WDR12: variants seen among roughly 807,000 people sequenced by gnomAD.
The protein encoded by WDR12 is ribosome biogenesis protein WDR12.
A neutral mutation model predicts 64.3 loss-of-function variants in WDR12; 42 were observed. The ratio of observed to expected loss-of-function variants is 0.65; its 90% CI spans 0.51 to 0.84. The LOEUF is 0.84. WDR12 is among the 40% of genes least tolerant of loss of function. WDR12 has a pLI of 0.00. For synonymous variants in WDR12, 158 were observed against 173.3 expected, an observed-to-expected ratio of 0.91 and a Z score of 0.70; for missense variants, 469 against 494.6, an observed-to-expected ratio of 0.95 and a Z score of 0.49.
At chr2:202,910,669 A>G (rs917703879) in intron 1 of WDR12, among the ~76,000 whole-genome samples, 1 of 152,348 alleles carries the variant, frequency 6.6e-6, no homozygotes, top group East Asian at 1.9e-4. Flanking sequence ...TATTAAGGCA[A>G]TGTATGTAAG....
At chr2:202,884,138 G>T in intron 10 of WDR12, 60 bp downstream of exon 10, 3 of 1,531,026 alleles carry the variant, frequency 2.0e-6, no homozygotes, top group Non-Finnish European at 2.7e-6. Flanking sequence ...TACATCTCCA[G>T]AGAGATGAGA....
chr2:202,887,873 C>T (rs985736923), intron 8 of WDR12, among the ~76,000 whole-genome samples: 4 of 130,362 alleles, frequency 3.1e-5, no homozygotes, highest in Non-Finnish European at 4.7e-5. Flanking sequence ...CCGACCTGGG[C>T]GACAGAGCGA....
At position 202,901,556 on chromosome 2, in the gene WDR12, C is replaced by T. The variant is rs143827733; in HGVS notation, c.137-437G>A. 3.7e-3 allele frequency among the ~76,000 whole-genome samples: 566 copies of T among 152,268 alleles called. 5 individuals are homozygous for T. Among genetic ancestry groups the T allele is most frequent in the South Asian group, 3.1e-3 (15 of 4,830 alleles). On this transcript the variant is annotated intron_variant, in intron 2 of 12. Coordinates refer to ENST00000261015, the MANE Select transcript of WDR12 (RefSeq NM_018256.4). ...TTTGTCACAATATTTTAAAATTTAACAATCACTCCTTCTAACATCAAATAG... is the reference window on the plus strand; with the variant it reads ...TTTGTCACAATATTTTAAAATTTAATAATCACTCCTTCTAACATCAAATAG...
intron 8 of WDR12, among the ~76,000 whole-genome samples, chr2:202,887,001 T>C (rs80031551): frequency 6.6e-6 from 1 of 152,302 alleles, no homozygotes; most frequent in Non-Finnish European, 1.5e-5. Context: ...TGAGTAATAT[T>C]CTGCTGTATG....
At chr2:202,893,587 T>A (rs889020957) in intron 7 of WDR12, among the ~76,000 whole-genome samples, 2 of 152,182 alleles carry the variant, frequency 1.3e-5, no homozygotes, top group African/African-American at 4.8e-5. Flanking sequence ...CTTTTCTTGA[T>A]CCCCCTCAAG....
In WDR12 at chr2:202,887,857, C is replaced by T. The variant is rs533264550; in HGVS notation, c.742-3322G>A. 4.7e-4 allele frequency among the ~76,000 whole-genome samples: 68 copies of T among 143,958 alleles called. 1 individual carries two copies. In the South Asian group the frequency reaches 0.012, roughly 26 times the overall value. 94.4% of individuals were successfully genotyped at this position (143,958 alleles called of 152,430 possible). On this transcript the variant is annotated intron_variant, in intron 8 of 12. Coordinates refer to ENST00000261015, the MANE Select transcript of WDR12 (RefSeq NM_018256.4). Reference sequence around the variant, plus strand: ...GAGCCGAGATTGCGCCACTGCAGTCCGCAGTCCGACCTGGGCGACAGAGCG... The same window carrying T: ...GAGCCGAGATTGCGCCACTGCAGTCTGCAGTCCGACCTGGGCGACAGAGCG...
rs2105901283 is a variant in WDR12, at chr2:202,879,447, GT to G, written c.*1412del. The G allele has an allele frequency of 6.6e-6, 1 of 152,218 alleles. No individual in the cohort carries two copies. The highest frequency in any genetic ancestry group is 1.9e-4 in the East Asian group (1 of 5,176). The allele number at this position is 152,218 out of a possible 1,614,324, so 9.4% of individuals were successfully genotyped here. ...CTACTTGTCTTTATTTTGAGATAGA[GT>G]CTGGCTCTGCTGCCCAGGCTGGAGC... On this transcript the variant is annotated 3_prime_UTR_variant, in exon 13 of 13. Transcript: ENST00000261015.
chr2:202,877,308 T>G lies in WDR12; in HGVS notation c.*3552A>C, dbSNP rs1362683200. ...TGATCATCTTCTCATAGAAAAGCTA[T>G]GTTTTTCTACAAAGGCCCCACTATG... is the stretch of plus-strand genomic sequence containing the variant. On this transcript the variant is annotated 3_prime_UTR_variant, in exon 13 of 13. Transcript: ENST00000261015. 6.6e-6 allele frequency: 1 copy of G among 152,100 alleles called. No individual in the cohort carries two copies. The highest frequency in any genetic ancestry group is 1.9e-4 in the East Asian group (1 of 5,194). The allele number at this position is 152,100 out of a possible 1,614,324, so 9.4% of individuals were successfully genotyped here. A position where few individuals can be genotyped will look rare whatever the true frequency, so the allele number is the denominator to read the frequency against.
intron 1 of WDR12, among the ~76,000 whole-genome samples, chr2:202,909,458 T>C (rs1421642579): frequency 6.6e-6 from 1 of 152,192 alleles, no homozygotes; most frequent in Non-Finnish European, 1.5e-5. Context: ...TATAATTCCA[T>C]TTATTCAAAA....
At chr2:202,883,326 G>A in intron 11 of WDR12, 1 of 266,242 alleles carries the variant, frequency 3.8e-6, no homozygotes, top group South Asian at 5.7e-5. Context: ...ATTAGAGACA[G>A]AGTTTCACCA....
intron 8 of WDR12, among the ~76,000 whole-genome samples, chr2:202,890,770 CA>C (rs35649140): frequency 0.85 from 103,077 of 121,092 alleles, 43,815 homozygotes; most frequent in South Asian, 0.92. Context: ...GACTCCGTCT[CA>C]AAAAAAAAAA....
intron 12 of WDR12, 113 bp downstream of exon 12, chr2:202,882,598 G>A (rs530263161): frequency 5.1e-4 from 530 of 1,038,224 alleles, no homozygotes; most frequent in Non-Finnish European, 5.4e-4. Context: ...AAAGTGCTGC[G>A]ATTACAGGCG....
At chr2:202,902,846 C>G (rs1254825976) in intron 2 of WDR12, among the ~76,000 whole-genome samples, 2 of 152,122 alleles carry the variant, frequency 1.3e-5, no homozygotes, top group African/African-American at 4.8e-5. Flanking sequence ...CACCTGTAAT[C>G]CCAGTACTTT....
At position 202,880,923 on chromosome 2, in the gene WDR12, T is replaced by A. The variant is rs950025264; in HGVS notation, c.1209A>T (p.Gly403=). The A allele has an allele frequency of 6.2e-7, 1 of 1,608,486 alleles. No homozygotes were observed. The highest frequency in any genetic ancestry group is 2.2e-5 in the East Asian group (1 of 44,560). The part of the protein sequence containing the change: ...DWTDTGLLLS[G]GADNKLYSYR... ...AGGAATACAATTTATTGTCTGCTCC[T>A]CCACTCAGAAGTAGCTGTGTAAAAG... The change falls in exon 13 of 13, where the codon GGA becomes GGT. Residue 403 remains glycine (G), a synonymous_variant. Coordinates refer to ENST00000261015, the MANE Select transcript of WDR12 (RefSeq NM_018256.4).
chr2:202,892,555 AT>A, intron 8 of WDR12, 61 bp downstream of exon 8: 1 of 1,135,126 alleles, frequency 8.8e-7, no homozygotes, highest in African/African-American at 1.6e-5. Flanking sequence ...ACCATATTAA[AT>A]TACCATCTAT....
intron 3 of WDR12, among the ~76,000 whole-genome samples, 166 bp downstream of exon 3, chr2:202,900,859 C>A (rs1353275207): frequency 6.6e-6 from 1 of 152,072 alleles, no homozygotes; most frequent in East Asian, 1.9e-4. Flanking sequence ...ATTCAATACA[C>A]ACATAAAATA....
chr2:202,907,025 T>C (rs1458886474), intron 2 of WDR12, among the ~76,000 whole-genome samples: 1 of 151,828 alleles, frequency 6.6e-6, no homozygotes, highest in South Asian at 2.1e-4. Flanking sequence ...CTTGGCTCAC[T>C]GCAACCTCCG....
chr2:202,901,193 C>A, intron 2 of WDR12, 74 bp from the exon 3 acceptor site: 1 of 1,064,302 alleles, frequency 9.4e-7, no homozygotes, highest in Non-Finnish European at 1.3e-6. Context: ...TGAGAACTCC[C>A]AAAACAAACA....
chr2:202,898,278 G>A (rs1426623201), intron 4 of WDR12, among the ~76,000 whole-genome samples: 1 of 152,022 alleles, frequency 6.6e-6, no homozygotes. Context: ...AGCCTCCCGA[G>A]TAACTGGGAC....
Sources: gnomAD v4.1 joint callset for allele counts (sites outside exome capture counted in the v4.1 genomes callset) on GRCh38, gnomAD v4.1.1 for gene constraint, MANE v1.5 for transcripts, NCBI Gene and HGNC (gene_info 2026-07-23, HGNC 2026-07-21) for gene names.